ITGA9: variants seen among roughly 807,000 people sequenced by gnomAD.
The protein encoded by ITGA9 is integrin alpha-9.
A neutral mutation model predicts 127.8 loss-of-function variants in ITGA9; 56 were observed. That is an observed-to-expected ratio of 0.44 (90% confidence interval 0.35 to 0.55). The LOEUF is 0.55. Among genes scored for constraint, ITGA9 ranks in the 20% least tolerant of loss-of-function variants. The probability of loss-of-function intolerance (pLI) is 0.00; values close to 1 mark genes in which losing one functional copy is unlikely to be tolerated. For synonymous variants in ITGA9, 508 were observed against 514.5 expected (o/e 0.99, Z 0.17); for missense variants, 1,196 against 1,347.1 (o/e 0.89, Z 1.76).
chr3:37,576,911 T>A (rs1699659220), intron 15 of ITGA9, among the ~76,000 whole-genome samples: 1 of 152,212 alleles, frequency 6.6e-6, no homozygotes, highest in African/African-American at 2.4e-5. Context: ...CAACCACAAT[T>A]CTTGTTTTAA....
intron 13 of ITGA9, among the ~76,000 whole-genome samples, chr3:37,527,881 G>A (rs1322387559): frequency 1.3e-5 from 2 of 151,984 alleles, no homozygotes; most frequent in Non-Finnish European, 2.9e-5. Context: ...CGCCTCCTGG[G>A]TTCAAGTGAT....
chr3:37,466,747 CCCATGCTGCTGGT>C (rs1698377847), intron 1 of ITGA9, among the ~76,000 whole-genome samples: 1 of 152,144 alleles, frequency 6.6e-6, no homozygotes, highest in Non-Finnish European at 1.5e-5. Flanking sequence ...CCAGGTGTTC[CCCATGCTGCTGGT>C]CTGAGGACCA....
chr3:37,617,165 C>CA (rs1289803951), intron 15 of ITGA9, among the ~76,000 whole-genome samples: 2 of 151,936 alleles, frequency 1.3e-5, no homozygotes, highest in African/African-American at 2.4e-5. Context: ...CTGGTGGTGA[C>CA]AAAATCTCTC....
intron 17 of ITGA9, among the ~76,000 whole-genome samples, chr3:37,654,767 A>G (rs2125648111): frequency 6.6e-6 from 1 of 152,236 alleles, no homozygotes; most frequent in African/African-American, 2.4e-5. Flanking sequence ...ATAGGTATAC[A>G]CATGCCATGG....
At chr3:37,743,425 T>C (rs1407502309) in intron 21 of ITGA9, among the ~76,000 whole-genome samples, 2 of 152,198 alleles carry the variant, frequency 1.3e-5, no homozygotes, top group Non-Finnish European at 1.5e-5. Context: ...CAAGGGAAAA[T>C]GCTATCAATG....
At chr3:37,556,373 T>A (rs1699431262) in intron 15 of ITGA9, among the ~76,000 whole-genome samples, 1 of 152,218 alleles carries the variant, frequency 6.6e-6, no homozygotes. Flanking sequence ...CGTTTCATAG[T>A]TTTTTGGGGG....
At chr3:37,741,150 C>T (rs1322218571) in intron 20 of ITGA9, among the ~76,000 whole-genome samples, 1 of 152,208 alleles carries the variant, frequency 6.6e-6, no homozygotes, top group Non-Finnish European at 1.5e-5. Flanking sequence ...CCTCAGCCCT[C>T]ACCCTTCCCA....
intron 17 of ITGA9, among the ~76,000 whole-genome samples, chr3:37,683,515 T>C (rs754618542): frequency 6.6e-6 from 1 of 152,242 alleles, no homozygotes; most frequent in Non-Finnish European, 1.5e-5. Flanking sequence ...CACGGAGTAG[T>C]GGCTGGCACA....
intron 21 of ITGA9, among the ~76,000 whole-genome samples, chr3:37,743,622 G>C (rs1306405656): frequency 6.6e-6 from 1 of 152,164 alleles, no homozygotes; most frequent in South Asian, 2.1e-4. Context: ...TGACAAAACA[G>C]AAAATGTATA....
At chr3:37,503,427 T>C in intron 6 of ITGA9, 120 bp downstream of exon 6, 2 of 1,120,406 alleles carry the variant, frequency 1.8e-6, no homozygotes, top group South Asian at 2.7e-5. Flanking sequence ...CCTGTTGTTC[T>C]AATGACTTAC....
intron 15 of ITGA9, among the ~76,000 whole-genome samples, chr3:37,616,188 G>T (rs1559550101): frequency 1.3e-5 from 2 of 152,210 alleles, no homozygotes; most frequent in Admixed American, 6.5e-5. Context: ...TGGTTTCAAA[G>T]AACATCTTTA....
intron 17 of ITGA9, among the ~76,000 whole-genome samples, chr3:37,656,237 G>T (rs1700476454): frequency 6.6e-6 from 1 of 152,082 alleles, no homozygotes; most frequent in Non-Finnish European, 1.5e-5. Context: ...AAGAAAGTCA[G>T]TTATAGCTTG....
intron 24 of ITGA9, among the ~76,000 whole-genome samples, chr3:37,778,692 T>TA (rs1696936838): frequency 6.6e-6 from 1 of 151,896 alleles, no homozygotes; most frequent in African/African-American, 2.4e-5. Flanking sequence ...CCTCCATTTT[T>TA]AAAAAGTGCA....
At chr3:37,775,645 CA>C (rs34276307) in intron 23 of ITGA9, among the ~76,000 whole-genome samples, 87,950 of 125,574 alleles carry the variant, frequency 0.7, 29,048 homozygotes, top group South Asian at 0.85. Flanking sequence ...GACTCCATCT[CA>C]AAAAAAAAAA....
chr3:37,519,099 T>TA, intron 10 of ITGA9, among the ~76,000 whole-genome samples, 161 bp from the exon 11 acceptor site: 2 of 149,788 alleles, frequency 1.3e-5, no homozygotes, highest in East Asian at 3.9e-4. Flanking sequence ...TTTTTTTTTT[T>TA]TTTTCCCGCT....
chr3:37,712,830 G>A (rs1701093360), intron 18 of ITGA9, among the ~76,000 whole-genome samples: 1 of 152,180 alleles, frequency 6.6e-6, no homozygotes, highest in South Asian at 2.1e-4. Context: ...TTGGGAGTGA[G>A]GTGGAGTGGG....
chr3:37,690,989 G>A (rs1354765805), intron 18 of ITGA9, among the ~76,000 whole-genome samples: 3 of 152,168 alleles, frequency 2.0e-5, no homozygotes, highest in Non-Finnish European at 4.4e-5. Flanking sequence ...GGAGCTGGGG[G>A]TTTTATACTC....
rs1344289552 is a variant in ITGA9, at chr3:37,736,932, G to C, written c.2183G>C (p.Ser728Thr). 6.2e-7 allele frequency: 1 copy of C among 1,613,760 alleles called. No individual in the cohort carries two copies. Among genetic ancestry groups the C allele is most frequent in the Admixed American group, 1.7e-5 (1 of 60,030 alleles). The change falls in exon 20 of 28, where the codon AGC becomes ACC. Residue 728 changes from serine to threonine, a missense_variant. Physicochemically the swap from Ser to Thr is moderately conservative, Grantham distance 58. Coordinates refer to ENST00000264741, the MANE Select transcript of ITGA9 (RefSeq NM_002207.3). Reference protein sequence around the residue: ...KYEFSVIFDTSHLSGEEEVLS... With the variant: ...KYEFSVIFDTTHLSGEEEVLS... ...GAATTCAGCGTGATCTTTGATACAA[G>C]CCACCTGTCTGGGGAAGAGGAAGTT...
chr3:37,473,136 C>CAAAAAAAAAAA (rs36109791), intron 2 of ITGA9, among the ~76,000 whole-genome samples: 47 of 70,760 alleles, frequency 6.6e-4, no homozygotes, highest in African/African-American at 9.6e-4. Flanking sequence ...GAGACTGTCT[C>CAAAAAAAAAAA]AAAAAAAAAA....
Sources: allele counts gnomAD v4.1 joint callset (sites outside exome capture counted in the v4.1 genomes callset), GRCh38; gene constraint gnomAD v4.1.1; transcripts MANE v1.5; gene names NCBI Gene and HGNC (gene_info 2026-07-23, HGNC 2026-07-21).